Variants in CAMSAP3 observed in about 807,000 individuals in gnomAD.
CAMSAP3 encodes the protein calmodulin-regulated spectrin-associated protein 3.
CAMSAP3 carries 34 observed loss-of-function variants against 112.5 expected under a neutral mutation model. The observed-to-expected ratio is 0.30, with a 90% CI of 0.23 to 0.40. The LOEUF (loss-of-function observed/expected upper bound fraction) is 0.40, where lower values mean the gene tolerates loss of function less well. CAMSAP3 is among the 10% of genes least tolerant of loss of function. CAMSAP3 has a pLI of 1.00. For synonymous variants in CAMSAP3, 868 were observed against 799.8 expected (o/e 1.09, Z -1.44); for missense variants, 1,602 against 1,770.3 (o/e 0.90, Z 1.71).
rs371706167 is a variant in CAMSAP3, at chr19:7,610,618, A to G, written c.900+3A>G. 3.1e-6 allele frequency: 5 copies of G among 1,613,682 alleles called. No homozygotes were observed. The highest frequency in any genetic ancestry group is 4.2e-6 in the Non-Finnish European group (5 of 1,179,946). On this transcript the variant is annotated splice_donor_region_variant and intron_variant, in intron 6 of 16. Transcript: ENST00000160298. The surrounding 1 kb of genome is among the most constrained non-coding windows in gnomAD (Gnocchi z 4.9). The stretch of plus-strand genomic sequence containing the variant: ...TGTACGTCCCACCGCCACTCAAGGT[A>G]AGGCCATCCTGGGGCCTCCTGGGCC...
At position 7,610,945 on chromosome 19, in the gene CAMSAP3, A is replaced by G; in HGVS notation, c.1049+14A>G. On this transcript the variant is annotated intron_variant, in intron 8 of 16. Coordinates refer to ENST00000160298, the MANE Select transcript of CAMSAP3 (RefSeq NM_020902.2). The surrounding 1 kb of genome is among the most constrained non-coding windows in gnomAD (Gnocchi z 4.9). The stretch of plus-strand genomic sequence containing the variant: ...CAGCGGCAGTAGGTACGCTCCCCAC[A>G]CTGGGCGAGTCTCTGGCATTGTGGG... 1 of 1,579,120 alleles carries G rather than the reference A, an allele frequency of 6.3e-7. No homozygotes were observed. The highest frequency in any genetic ancestry group is 1.2e-5 in the South Asian group (1 of 85,234).
chr19:7,612,253 C>T lies in CAMSAP3; in HGVS notation c.1760C>T (p.Thr587Met), dbSNP rs866751877. 5.7e-6 allele frequency: 9 copies of T among 1,591,712 alleles called. No individual in the cohort carries two copies. Among genetic ancestry groups the T allele is most frequent in the East Asian group, 2.3e-5 (1 of 43,508 alleles). ...GCTGAGGCCGGAGCGGGGTCCCCCA[C>T]GTCCACTCCGGCCCCGCCGGAGGCC... ...AEAEAGAGSP[T>M]STPAPPEALS... The change falls in exon 11 of 17, where the codon ACG (threonine) becomes ATG (methionine). Residue 587 changes from threonine to methionine, a missense_variant. By Grantham distance (81) the Thr-to-Met change is moderately conservative. Around this residue, in one of 6 missense-constraint regions of CAMSAP3, gnomAD observed 1,100 missense variants for 1,135.7 expected, o/e 0.97. Coordinates refer to ENST00000160298, the MANE Select transcript of CAMSAP3 (RefSeq NM_020902.2).
Position 7,605,404 on chromosome 19 carries a change from G to T in CAMSAP3, c.327G>T (p.Ala109=). 1 of 1,525,960 alleles carries T rather than the reference G, an allele frequency of 6.6e-7. No individual in the cohort carries two copies. The highest frequency in any genetic ancestry group is 1.2e-5 in the South Asian group (1 of 80,620). The allele number at this position is 1,525,960 out of a possible 1,614,324, so 94.5% of individuals were successfully genotyped here. Residue 109 remains alanine, a synonymous_variant, in exon 2 of 17, where the codon GCG becomes GCT. Coordinates refer to ENST00000160298, the MANE Select transcript of CAMSAP3 (RefSeq NM_020902.2). ...CCTCTGCACTGCTGGCCCTGCTGGCGCGGAGGGGCACAGTGCCTGCTTTGC... is the reference window on the plus strand; with the variant it reads ...CCTCTGCACTGCTGGCCCTGCTGGCTCGGAGGGGCACAGTGCCTGCTTTGC... ...PNPSALLALL[A]RRGTVPALPE...
chr19:7,597,673 C>A (rs1019030582), intron 1 of CAMSAP3, among the ~76,000 whole-genome samples: 1 of 152,168 alleles, frequency 6.6e-6, no homozygotes, highest in Admixed American at 6.6e-5. Context: ...TCGCGTGGCA[C>A]GGGGCGCGTG....
chr19:7,606,136 G>GGGCCCCCC, intron 2 of CAMSAP3, 135 bp from the exon 3 acceptor site: 1 of 511,800 alleles, frequency 2.0e-6, no homozygotes, highest in Non-Finnish European at 3.4e-6. Flanking sequence ...TGAACCACTG[G>GGGCCCCCC]CCCCGCCCCC....
chr19:7,606,159 C>CCG lies in CAMSAP3; in HGVS notation c.403-111_403-110insGC, dbSNP rs919271230. The CCG allele has an allele frequency of 9.4e-6, 6 of 639,300 alleles. No individual in the cohort carries two copies. The African/African-American group carries it at 1.1e-4, about 12-fold the overall frequency. 39.6% of individuals were successfully genotyped at this position (639,300 alleles called of 1,614,324 possible). A position where few individuals can be genotyped will look rare whatever the true frequency, so the allele number is the denominator to read the frequency against. On this transcript the variant is annotated intron_variant, in intron 2 of 16. Coordinates refer to ENST00000160298, the MANE Select transcript of CAMSAP3 (RefSeq NM_020902.2). The stretch of plus-strand genomic sequence containing the variant: ...TGGCCCCGCCCCCTCAAGCCCCACC[C>CCG]CCCCCGTCAAGTCCCTCCCATCTGC...
rs1056389523 is a variant in CAMSAP3 at position 7,618,000 on chromosome 19, C to G, written c.3693C>G (p.His1231Gln). The stretch of plus-strand genomic sequence containing the variant: ...TCGATGCCTTCACCATCCAGGGACA[C>G]CTCTGGCAGGGCAAGAAACCCACCA... ...MSVDAFTIQGHLWQGKKPTTP... is the reference protein window; with the variant it reads ...MSVDAFTIQGQLWQGKKPTTP... Residue 1231 changes from histidine to glutamine, a missense_variant, in exon 17 of 17, where the codon CAC (histidine) becomes CAG (glutamine). By Grantham distance (24) the His-to-Gln change is conservative (BLOSUM62 0). This residue lies in a region of CAMSAP3 where 150 missense variants were observed against 207.6 expected (regional missense o/e 0.72). Transcript: ENST00000160298. The surrounding 1 kb of genome is among the most constrained non-coding windows in gnomAD (Gnocchi z 7.5). 9.9e-6 allele frequency: 16 copies of G among 1,614,134 alleles called. No homozygotes were observed. The highest frequency in any genetic ancestry group is 1.4e-5 in the Non-Finnish European group (16 of 1,180,034).
intron 1 of CAMSAP3, among the ~76,000 whole-genome samples, chr19:7,598,091 G>A (rs1314158363): frequency 2.6e-5 from 4 of 152,098 alleles, no homozygotes; most frequent in African/African-American, 4.8e-5. Flanking sequence ...TAGAGGAGAC[G>A]GCAGGGGATG....
rs1441860649 is a variant in CAMSAP3 at position 7,610,064 on chromosome 19, A to AT, written c.761-411dup. 6.6e-6 allele frequency among the ~76,000 whole-genome samples: 1 copy of AT among 152,100 alleles called. No homozygotes were observed. Among genetic ancestry groups the AT allele is most frequent in the African/African-American group, 2.4e-5 (1 of 41,418 alleles). ...CCGGGTACAGTGGCTCACGCCTGTA[A>AT]TCCCAGCACTTTGGGTGGCTGAGGC... On this transcript the variant is annotated intron_variant, in intron 5 of 16. Coordinates refer to ENST00000160298, the MANE Select transcript of CAMSAP3 (RefSeq NM_020902.2). The surrounding 1 kb of genome is among the most constrained non-coding windows in gnomAD (Gnocchi z 4.9).
intron 5 of CAMSAP3, among the ~76,000 whole-genome samples, chr19:7,608,657 G>A (rs1294145315): frequency 1.4e-5 from 2 of 138,294 alleles, no homozygotes; most frequent in East Asian, 2.0e-4. Flanking sequence ...TTTTTGAGAC[G>A]GGAGTCTTGC....
intron 2 of CAMSAP3, 104 bp from the exon 3 acceptor site, chr19:7,606,167 C>CCCCCA: frequency 2.1e-5 from 18 of 841,168 alleles, no homozygotes; most frequent in East Asian, 4.0e-5. Flanking sequence ...CCCCCCCCGT[C>CCCCCA]AAGTCCCTCC....
At chr19:7,608,697 T>C (rs915751919) in intron 5 of CAMSAP3, among the ~76,000 whole-genome samples, 1 of 150,216 alleles carries the variant, frequency 6.7e-6, no homozygotes, top group East Asian at 2.0e-4. Flanking sequence ...TGTAATGGCA[T>C]GATCTCGGCT....
rs10402176 is a variant in CAMSAP3 at position 7,610,093 on chromosome 19, C to T, written c.761-383C>T. 1.3e-4 allele frequency among the ~76,000 whole-genome samples: 19 copies of T among 151,944 alleles called. No individual in the cohort carries two copies. The highest frequency in any genetic ancestry group is 2.6e-4 in the Non-Finnish European group (18 of 67,996). On this transcript the variant is annotated intron_variant, in intron 5 of 16. Coordinates refer to ENST00000160298, the MANE Select transcript of CAMSAP3 (RefSeq NM_020902.2). This position sits in a 1 kb window ranked among gnomAD's most constrained non-coding sequence, Gnocchi z 4.9. ...CAGCACTTTGGGTGGCTGAGGCGGC[C>T]GGATCATGAAGTCAGGAGATCGAGA...
rs545769780 is a variant in CAMSAP3, at chr19:7,616,934, C to CTTTTT, written c.3212+332_3212+336dup. On this transcript the variant is annotated intron_variant, in intron 14 of 16. Coordinates refer to ENST00000160298, the MANE Select transcript of CAMSAP3 (RefSeq NM_020902.2). ...CTCCTCTGCAGTGTGTGTGGCCCGC[C>CTTTTT]TTTTTTTTTTTTTTTTTTTTTTTTG... Among the ~76,000 whole-genome samples the CTTTTT allele has an allele frequency of 4.5e-3, 376 of 82,976 alleles. 11 individuals carry two copies. Among genetic ancestry groups the CTTTTT allele is most frequent in the South Asian group, 6.2e-3 (12 of 1,944 alleles). 54.4% of individuals were successfully genotyped at this position (82,976 alleles called of 152,430 possible). A position where few individuals can be genotyped will look rare whatever the true frequency, so the allele number is the denominator to read the frequency against.
At position 7,615,728 on chromosome 19, in the gene CAMSAP3, CCT is replaced by C; in HGVS notation, c.3112+10_3112+11del. On this transcript the variant is annotated intron_variant, in intron 13 of 16. Coordinates refer to ENST00000160298, the MANE Select transcript of CAMSAP3 (RefSeq NM_020902.2). This position sits in a 1 kb window ranked among gnomAD's most constrained non-coding sequence, Gnocchi z 6.5. ...AGCCCGCGGCCTGCTGGGTGAGGACCCTTGGGGGACGGGGCCTGCCCAGTGCC... is the reference window on the plus strand; with the variant it reads ...AGCCCGCGGCCTGCTGGGTGAGGACCTGGGGGACGGGGCCTGCCCAGTGCC... 1 of 1,394,136 alleles carries C rather than the reference CCT, an allele frequency of 7.2e-7. No individual in the cohort carries two copies. Among genetic ancestry groups the C allele is most frequent in the Non-Finnish European group, 9.3e-7 (1 of 1,080,806 alleles). The allele number at this position is 1,394,136 out of a possible 1,614,324, so 86.4% of individuals were successfully genotyped here. A position where few individuals can be genotyped will look rare whatever the true frequency, so the allele number is the denominator to read the frequency against.
chr19:7,615,317 C>G lies in CAMSAP3; in HGVS notation c.2805C>G (p.Ala935=), dbSNP rs575495576. The G allele has an allele frequency of 6.5e-7, 1 of 1,545,132 alleles. No homozygotes were observed. Among genetic ancestry groups the G allele is most frequent in the Admixed American group, 2.0e-5 (1 of 50,794 alleles). The change falls in exon 12 of 17, where the codon GCC becomes GCG. Residue 935 remains alanine, a synonymous_variant. Transcript: ENST00000160298. The surrounding 1 kb of genome is among the most constrained non-coding windows in gnomAD (Gnocchi z 6.5). ...AGAAGGAACAGCGGAGGGAGGAGGC[C>G]GCGAGGTGAGGCCGGGCCTGCCCGG... The part of the protein sequence containing the change: ...EVEKEQRREE[A]ARLAQEEAPG...
rs1280871691 is a variant in CAMSAP3, at chr19:7,617,816, G to A, written c.3509G>A (p.Arg1170Gln). ...ILFRDSSCQF[R>Q]ALYTLSGETE... Reference sequence around the variant, plus strand: ...TTTCGCGACTCGAGCTGCCAGTTCCGGGCGCTCTACACGCTGTCGGGGGAG... The same window carrying A: ...TTTCGCGACTCGAGCTGCCAGTTCCAGGCGCTCTACACGCTGTCGGGGGAG... The change falls in exon 17 of 17, where the codon CGG (arginine) becomes CAG (glutamine). Residue 1170 changes from arginine to glutamine, a missense_variant. Physicochemically the swap from Arg to Gln is conservative, Grantham distance 43 (BLOSUM62 1). Coordinates refer to ENST00000160298, the MANE Select transcript of CAMSAP3 (RefSeq NM_020902.2). This position sits in a 1 kb window ranked among gnomAD's most constrained non-coding sequence, Gnocchi z 7.5. The A allele has an allele frequency of 3.1e-6, 5 of 1,613,318 alleles. No individual in the cohort carries two copies. The highest frequency in any genetic ancestry group is 4.2e-6 in the Non-Finnish European group (5 of 1,179,854).
rs1223929818 is a variant in CAMSAP3 at position 7,615,640 on chromosome 19, C to A, written c.3033C>A (p.Gly1011=). The change falls in exon 13 of 17, where the codon GGC becomes GGA. Residue 1011 remains glycine (G), a synonymous_variant. Transcript: ENST00000160298. The surrounding 1 kb of genome is among the most constrained non-coding windows in gnomAD (Gnocchi z 6.5). ...RAAGSGGPGR[G]GRRATRPRSG... ...CGGGGTCCGGGGGTCCAGGTCGGGGCGGGCGGAGGGCCACCCGGCCTCGCT... is the reference window on the plus strand; with the variant it reads ...CGGGGTCCGGGGGTCCAGGTCGGGGAGGGCGGAGGGCCACCCGGCCTCGCT... 1.4e-6 allele frequency: 2 copies of A among 1,431,424 alleles called. No individual in the cohort carries two copies. The highest frequency in any genetic ancestry group is 2.9e-5 in the Admixed American group (1 of 34,536). The allele number at this position is 1,431,424 out of a possible 1,614,324, so 88.7% of individuals were successfully genotyped here. A position where few individuals can be genotyped will look rare whatever the true frequency, so the allele number is the denominator to read the frequency against.
chr19:7,614,795 C>G (rs2146174894), intron 11 of CAMSAP3: 1 of 304,540 alleles, frequency 3.3e-6, no homozygotes, highest in South Asian at 3.3e-5. Flanking sequence ...GCTCTGTACG[C>G]CCACCTAGTT....
Sources: allele counts gnomAD v4.1 joint callset (sites outside exome capture counted in the v4.1 genomes callset), GRCh38; gene constraint gnomAD v4.1.1; regional missense constraint gnomAD v4.1.1; non-coding constraint Gnocchi (gnomAD v3.1); transcripts MANE v1.5; gene names NCBI Gene and HGNC (gene_info 2026-07-23, HGNC 2026-07-21).